The following PIWIL1 variants were observed in gnomAD, a reference collection of about 807,000 sequenced individuals.
PIWIL1 encodes the protein piwi like RNA-mediated gene silencing 1.
PIWIL1 carries 73 observed loss-of-function variants against 114.4 expected under a neutral mutation model. The observed-to-expected ratio is 0.64, with a 90% CI of 0.53 to 0.78. The LOEUF (loss-of-function observed/expected upper bound fraction) is 0.78, where lower values mean the gene tolerates loss of function less well. Ranked by LOEUF, PIWIL1 falls within the 30% of genes least tolerant of loss-of-function variation. The pLI, the probability that PIWIL1 is intolerant of heterozygous loss-of-function variation, is 0.00. For missense variants in PIWIL1, 723 were observed against 1,063.1 expected, an observed-to-expected ratio of 0.68 and a Z score of 4.45; for synonymous variants, 375 against 369.0, an observed-to-expected ratio of 1.02 and a Z score of -0.19.
chr12:130,425,148 C>T, the PIWIL1 span: 1 of 306,912 alleles, frequency 3.3e-6, no homozygotes, highest in Non-Finnish European at 5.9e-6. Flanking sequence ...AGGTGAGATC[C>T]CGGCGGCACA....
the PIWIL1 span, among the ~76,000 whole-genome samples, chr12:130,384,259 G>A: frequency 6.6e-6 from 1 of 152,168 alleles, no homozygotes; most frequent in Non-Finnish European, 1.5e-5. Flanking sequence ...TGTTGAAATG[G>A]CCATTTCCAT....
intron 1 of PIWIL1, among the ~76,000 whole-genome samples, chr12:130,341,081 T>C (rs1276294258): frequency 6.6e-6 from 1 of 152,206 alleles, no homozygotes; most frequent in African/African-American, 2.4e-5. Context: ...GATAATGTGA[T>C]TTAAGGCAGA....
chr12:130,346,361 C>T lies in PIWIL1; in HGVS notation c.317-9C>T, dbSNP rs11060836. ...TATTTTGTTAATTGACTATAACTTC[C>T]TTTTCCAGGTTCTTCAGGCATTATA... is the stretch of plus-strand genomic sequence containing the variant. On this transcript the variant is annotated splice_polypyrimidine_tract_variant and intron_variant, in intron 4 of 20. Transcript: ENST00000245255. 0.16 allele frequency: 260,717 copies of T among 1,600,438 alleles called. 22,121 individuals are homozygous for T. The highest frequency in any genetic ancestry group is 0.23 in the South Asian group (20,346 of 89,608).
chr12:130,411,120 A>G, the PIWIL1 span, among the ~76,000 whole-genome samples: 52 of 152,358 alleles, frequency 3.4e-4, no homozygotes, highest in East Asian at 2.9e-3. Flanking sequence ...AAACGGCACT[A>G]CTTTTAAAAA....
the PIWIL1 span, among the ~76,000 whole-genome samples, chr12:130,400,138 C>T: frequency 3.8e-4 from 58 of 152,230 alleles, no homozygotes; most frequent in Non-Finnish European, 6.2e-4. Flanking sequence ...TAGTGGTTCT[C>T]GGGCCTGGCT....
At chr12:130,374,034 G>A (rs2136206878), downstream of PIWIL1, among the ~76,000 whole-genome samples, 1 of 152,290 alleles carries the variant, frequency 6.6e-6, no homozygotes, top group East Asian at 1.9e-4. Context: ...GGTTCCTGAA[G>A]GAACCCCAGG....
In PIWIL1 at chr12:130,343,063, G is replaced by A. The variant is rs764559881; in HGVS notation, c.152G>A (p.Arg51Gln). Residue 51 changes from arginine to glutamine, a missense_variant, in exon 3 of 21, where the codon CGG (arginine) becomes CAG (glutamine). Around this residue, in one of 8 missense-constraint regions of PIWIL1, gnomAD observed 91 missense variants for 76.2 expected, o/e 1.19. Transcript: ENST00000245255. ...PAEGELFGRG[R>Q]QRGTAGGTAK... The stretch of plus-strand genomic sequence containing the variant: ...GAGGGGGAATTATTTGGCCGTGGAC[G>A]GCAGAGAGGAACAGCAGGAGGAACA... The A allele has an allele frequency of 6.1e-5, 99 of 1,613,702 alleles. No homozygotes were observed. The highest frequency in any genetic ancestry group is 8.3e-5 in the Non-Finnish European group (98 of 1,179,872).
At chr12:130,398,602 C>T in the PIWIL1 span, 3 of 152,580 alleles carry the variant, frequency 2.0e-5, no homozygotes, top group Non-Finnish European at 4.4e-5. Flanking sequence ...ATAGCTCTCT[C>T]GTAAGGTAGA....
chr12:130,370,364 T>A (rs1353621975), intron 19 of PIWIL1, among the ~76,000 whole-genome samples: 1 of 152,136 alleles, frequency 6.6e-6, no homozygotes, highest in African/African-American at 2.4e-5. Flanking sequence ...TGGAAAAAAG[T>A]CTGTACTAAG....
chr12:130,411,273 A>G, the PIWIL1 span, among the ~76,000 whole-genome samples: 1 of 152,158 alleles, frequency 6.6e-6, no homozygotes, highest in Non-Finnish European at 1.5e-5. Flanking sequence ...AGATTTTCTA[A>G]GTAGATTTCC....
At chr12:130,353,373 C>T (rs867561303) in intron 9 of PIWIL1, among the ~76,000 whole-genome samples, 10 of 137,616 alleles carry the variant, frequency 7.3e-5, no homozygotes, top group Admixed American at 2.9e-4. Context: ...CTGGTGTGCT[C>T]AGTGGAGGTG....
At chr12:130,389,297 A>G in the PIWIL1 span, among the ~76,000 whole-genome samples, 1 of 152,016 alleles carries the variant, frequency 6.6e-6, no homozygotes, top group Non-Finnish European at 1.5e-5. Flanking sequence ...ATCCAGGTAT[A>G]CACTTCTCTT....
chr12:130,408,963 A>G, the PIWIL1 span, among the ~76,000 whole-genome samples: 1 of 152,252 alleles, frequency 6.6e-6, no homozygotes, highest in African/African-American at 2.4e-5. Context: ...TACAGGACGC[A>G]CACACGCCTC....
rs754650680 is a variant in PIWIL1, at chr12:130,343,128, A to G, written c.190+27A>G. The G allele has an allele frequency of 3.9e-6, 6 of 1,523,846 alleles. No homozygotes were observed. In the South Asian group the frequency reaches 6.9e-5, roughly 18 times the overall value. The allele number at this position is 1,523,846 out of a possible 1,614,324, so 94.4% of individuals were successfully genotyped here. On this transcript the variant is annotated intron_variant, in intron 3 of 20. Coordinates refer to ENST00000245255, the MANE Select transcript of PIWIL1 (RefSeq NM_004764.5). ...TGAAGAGAAAGTAAAAGGAAGTCTT[A>G]ACAACTCTGTTCAACATATACAGCA...
At chr12:130,399,626 C>T in the PIWIL1 span, 37 of 1,596,132 alleles carry the variant, frequency 2.3e-5, no homozygotes, top group Non-Finnish European at 3.2e-5. Flanking sequence ...TTGTATTAGA[C>T]CACATATGGC....
rs745824651 is a variant in PIWIL1, at chr12:130,355,612, T to G, written c.1349T>G (p.Leu450Arg). The G allele has an allele frequency of 6.2e-7, 1 of 1,614,226 alleles. No homozygotes were observed. Among genetic ancestry groups the G allele is most frequent in the East Asian group, 2.2e-5 (1 of 44,886 alleles). Reference sequence around the variant, plus strand: ...GGTTTGAGCTTTGATTCCAACTTACTGTCCTTCTCAGGAAGAATTTTGCAA... The same window carrying G: ...GGTTTGAGCTTTGATTCCAACTTACGGTCCTTCTCAGGAAGAATTTTGCAA... Reference protein sequence around the residue: ...DWGLSFDSNLLSFSGRILQTE... With the variant: ...DWGLSFDSNLRSFSGRILQTE... Residue 450 changes from leucine to arginine, a missense_variant, in exon 12 of 21, where the codon CTG becomes CGG. Physicochemically the swap from Leu to Arg is moderately radical, Grantham distance 102 (BLOSUM62 -2). Transcript: ENST00000245255.
chr12:130,357,610 G>T, intron 14 of PIWIL1, 57 bp downstream of exon 14: 1 of 1,104,954 alleles, frequency 9.1e-7, no homozygotes, highest in Non-Finnish European at 1.4e-6. Flanking sequence ...TTCAAAGGGG[G>T]CATGTGTACA....
intron 6 of PIWIL1, 100 bp downstream of exon 6, chr12:130,347,162 T>C (rs9668900): frequency 0.37 from 324,066 of 868,766 alleles, 65,743 homozygotes; most frequent in Non-Finnish European, 0.42. Context: ...TCAGCATTGG[T>C]TGGGATTATT....
the PIWIL1 span, chr12:130,396,735 A>G: frequency 6.6e-6 from 1 of 152,662 alleles, no homozygotes; most frequent in African/African-American, 2.4e-5. Flanking sequence ...ATGATTGAGT[A>G]AACATTTTCT....
Sources: allele counts gnomAD v4.1 joint callset (sites outside exome capture counted in the v4.1 genomes callset), GRCh38; gene constraint gnomAD v4.1.1; regional missense constraint gnomAD v4.1.1; transcripts MANE v1.5; gene names NCBI Gene and HGNC (gene_info 2026-07-23, HGNC 2026-07-21).